The following NLRC5 variants were observed in gnomAD, a reference collection of about 807,000 sequenced individuals.
NLRC5 encodes the protein NLR family CARD domain containing 5, also known as protein NLRC5.
Under a neutral mutation model 206.9 loss-of-function variants are expected in NLRC5, and 114 were observed. The observed-to-expected ratio is 0.55, with a 90% confidence interval of 0.47 to 0.64. The LOEUF (loss-of-function observed/expected upper bound fraction) is 0.64, where lower values mean the gene tolerates loss of function less well. Ranked by LOEUF, NLRC5 falls within the 30% of genes least tolerant of loss-of-function variation. The pLI is 0.00. For missense variants in NLRC5, 2,008 were observed against 2,305.5 expected (o/e 0.87, Z 2.64); for synonymous variants, 952 against 962.8 (o/e 0.99, Z 0.21).
Position 57,021,019 on chromosome 16 carries a change from T to C in NLRC5, c.295+12T>C. The C allele has an allele frequency of 1.2e-6, 2 of 1,609,984 alleles. No individual in the cohort carries two copies. Among genetic ancestry groups the C allele is most frequent in the Non-Finnish European group, 1.7e-6 (2 of 1,176,826 alleles). ...TGGCTATGATGATGGTAAGGGCAGG[T>C]GTGAGAGACGCAAAGCAGCCGGGCC... On this transcript the variant is annotated intron_variant, in intron 3 of 48. Transcript: ENST00000688547.
intron 1 of NLRC5, among the ~76,000 whole-genome samples, chr16:57,002,645 G>GTTTTTTTTT (rs61167610): frequency 3.2e-5 from 3 of 94,738 alleles, no homozygotes; most frequent in Non-Finnish European, 4.2e-5. Flanking sequence ...GTTTTTTTTT[G>GTTTTTTTTT]TTTTTTTTTT....
chr16:57,040,750 TTCCA>T, intron 17 of NLRC5, 32 bp downstream of exon 17: 3 of 1,606,508 alleles, frequency 1.9e-6, no homozygotes, highest in Non-Finnish European at 2.6e-6. Context: ...CTGTGTGTGA[TTCCA>T]GCCCCCTCCC....
At chr16:57,079,685 CG>C in intron 46 of NLRC5, 56 bp downstream of exon 46, 11 of 1,494,838 alleles carry the variant, frequency 7.4e-6, no homozygotes, top group Non-Finnish European at 1.0e-5. Context: ...CGGGAGGGGT[CG>C]GGGGAGTTGG....
chr16:57,031,393 T>C lies in NLRC5; in HGVS notation c.2418-11T>C, dbSNP rs2061870067. ...TCTCTGGGTTTCATGGCTTGGTATC[T>C]GATCCTGCAGGGAGGCGGACCTCAT... On this transcript the variant is annotated splice_polypyrimidine_tract_variant and intron_variant, in intron 10 of 48. Coordinates refer to ENST00000688547, the MANE Select transcript of NLRC5 (RefSeq NM_001384950.1). 3 of 1,613,832 alleles carry C rather than the reference T, an allele frequency of 1.9e-6. No homozygotes were observed. Among genetic ancestry groups the C allele is most frequent in the Non-Finnish European group, 1.7e-6 (2 of 1,179,944 alleles).
intron 2 of NLRC5, among the ~76,000 whole-genome samples, chr16:57,019,114 G>C (rs545860211): frequency 5.9e-5 from 9 of 152,118 alleles, no homozygotes; most frequent in African/African-American, 1.9e-4. Context: ...GTTCCAGTTC[G>C]GCCATCATGA....
At chr16:57,040,550 T>G in intron 16 of NLRC5, 100 bp from the exon 17 acceptor site, 1 of 1,154,906 alleles carries the variant, frequency 8.7e-7, no homozygotes, top group Non-Finnish European at 1.3e-6. Context: ...TGACTCTAGG[T>G]GGAGGATAGG....
intron 19 of NLRC5, 70 bp downstream of exon 19, chr16:57,042,135 C>A: frequency 1.0e-6 from 1 of 991,284 alleles, no homozygotes; most frequent in Non-Finnish European, 1.4e-6. Context: ...CCATCCCCCT[C>A]TTTCCTGGGG....
intron 6 of NLRC5, 144 bp from the exon 7 acceptor site, chr16:57,027,928 C>T (rs1249019419): frequency 9.0e-6 from 5 of 554,798 alleles, no homozygotes; most frequent in Non-Finnish European, 1.6e-5. Flanking sequence ...GGAGAATGGG[C>T]TTTGGTGGAC....
Position 57,033,606 on chromosome 16 carries a change from C to T in NLRC5, c.2480C>T (p.Ala827Val). The T allele has an allele frequency of 3.1e-6, 5 of 1,614,064 alleles. No homozygotes were observed. Among genetic ancestry groups the T allele is most frequent in the Non-Finnish European group, 4.2e-6 (5 of 1,179,960 alleles). Residue 827 changes from alanine (A) to valine (V), a missense_variant and splice_region_variant, in exon 12 of 49, where the codon GCT becomes GTT. Ala to Val is a moderately conservative substitution (Grantham distance 64, BLOSUM62 0). Coordinates refer to ENST00000688547, the MANE Select transcript of NLRC5 (RefSeq NM_001384950.1). ...PTETTAELQR[A>V]PDLQESDGQR... ...AATGCTTGATTTGTTCTTGCCAGAG[C>T]TCCAGACCTGCAGGAAAGTGACGGC...
chr16:57,063,248 G>T (rs1353052786), intron 32 of NLRC5, among the ~76,000 whole-genome samples: 8 of 151,652 alleles, frequency 5.3e-5, no homozygotes, highest in Admixed American at 3.9e-4. Flanking sequence ...GAGTAGCTGG[G>T]ATTACAGGCG....
intron 1 of NLRC5, among the ~76,000 whole-genome samples, chr16:57,003,066 T>TTTGA (rs2058479119): frequency 6.6e-6 from 1 of 151,882 alleles, no homozygotes; most frequent in Non-Finnish European, 1.5e-5. Flanking sequence ...TGTTTGTTTG[T>TTTGA]TTGTTTGTTT....
In NLRC5 at chr16:57,059,528, C is replaced by T. The variant is rs2066137054; in HGVS notation, c.3982C>T (p.Leu1328Phe). The T allele has an allele frequency of 1.9e-6, 3 of 1,610,902 alleles. No homozygotes were observed. The highest frequency in any genetic ancestry group is 3.4e-5 in the Admixed American group (2 of 59,626). The change falls in exon 30 of 49, where the codon CTC (leucine) becomes TTC (phenylalanine). Residue 1328 changes from leucine (L) to phenylalanine (F), a missense_variant. Transcript: ENST00000688547. ...CAGAGAGGACCAGGCTGGGAAGACA[C>T]TCAGGTAATCCCTGCAGGGTGATGG... ...FSREDQAGKT[L>F]RLSECSFRPE...
intron 6 of NLRC5, among the ~76,000 whole-genome samples, chr16:57,027,745 CATGTCA>C (rs2061399792): frequency 6.6e-6 from 1 of 152,196 alleles, no homozygotes; most frequent in South Asian, 2.1e-4. Flanking sequence ...CATGGAGGAA[CATGTCA>C]ATGCATTAAA....
chr16:57,057,626 G>T (rs1206053430), intron 27 of NLRC5, among the ~76,000 whole-genome samples: 1 of 152,224 alleles, frequency 6.6e-6, no homozygotes, highest in Admixed American at 6.5e-5. Flanking sequence ...CAAGGGCGTG[G>T]TGAAGGCAAA....
chr16:57,029,583 A>G (rs1352700139), intron 8 of NLRC5, among the ~76,000 whole-genome samples, 190 bp from the exon 9 acceptor site: 1 of 152,168 alleles, frequency 6.6e-6, no homozygotes, highest in Non-Finnish European at 1.5e-5. Flanking sequence ...GAATAGACCC[A>G]GAATTGAGGC....
At position 57,028,351 on chromosome 16, in the gene NLRC5, G is replaced by T. The variant is rs2061458222; in HGVS notation, c.2209G>T (p.Ala737Ser). The change falls in exon 8 of 49, where the codon GCT (alanine) becomes TCT (serine). Residue 737 changes from alanine (A) to serine (S), a missense_variant. Coordinates refer to ENST00000688547, the MANE Select transcript of NLRC5 (RefSeq NM_001384950.1). ...TARGISHLVK[A>S]LPLCPQLKEV... ...CCGAGGCATCAGCCACCTGGTGAAAGCTTTGCCTCTCTGTCCACAGCTGAA... is the reference window on the plus strand; with the variant it reads ...CCGAGGCATCAGCCACCTGGTGAAATCTTTGCCTCTCTGTCCACAGCTGAA... The T allele has an allele frequency of 1.2e-6, 2 of 1,614,070 alleles. No homozygotes were observed. Among genetic ancestry groups the T allele is most frequent in the Admixed American group, 1.7e-5 (1 of 60,006 alleles).
At position 57,031,205 on chromosome 16, in the gene NLRC5, T is replaced by A. The variant is rs199475980; in HGVS notation, c.2418-199T>A. 6.6e-6 allele frequency among the ~76,000 whole-genome samples: 1 copy of A among 152,342 alleles called. No individual in the cohort carries two copies. The highest frequency in any genetic ancestry group is 1.9e-4 in the East Asian group (1 of 5,188). ...ACTTTTTAAAACACTCTTGCAGGAT[T>A]CATCAAGCAAAGACATAATCAGTAT... On this transcript the variant is annotated intron_variant, in intron 10 of 48. Coordinates refer to ENST00000688547, the MANE Select transcript of NLRC5 (RefSeq NM_001384950.1).
chr16:57,009,461 C>T lies in NLRC5; in HGVS notation c.-127-7613C>T, dbSNP rs935194884. Among the ~76,000 whole-genome samples the T allele has an allele frequency of 4.0e-5, 6 of 151,704 alleles. No individual in the cohort carries two copies. In the East Asian group the frequency reaches 7.7e-4, roughly 20 times the overall value. On this transcript the variant is annotated intron_variant, in intron 1 of 48. Transcript: ENST00000688547. Reference sequence around the variant, plus strand: ...ACAAAAAATGAGCTGGGCATGGTGGCGTGTGCCTGTGGTCCCAGCTACTCG... The same window carrying T: ...ACAAAAAATGAGCTGGGCATGGTGGTGTGTGCCTGTGGTCCCAGCTACTCG...
intron 5 of NLRC5, among the ~76,000 whole-genome samples, chr16:57,024,149 G>C (rs1034707942): frequency 1.3e-5 from 2 of 152,190 alleles, no homozygotes; most frequent in African/African-American, 4.8e-5. Context: ...GCTTTTCCAG[G>C]GACACCCTAT....
Sources: allele counts gnomAD v4.1 joint callset (sites outside exome capture counted in the v4.1 genomes callset), GRCh38; gene constraint gnomAD v4.1.1; transcripts MANE v1.5; gene names NCBI Gene and HGNC (gene_info 2026-07-23, HGNC 2026-07-21).